Variants in NRXN3 observed in about 807,000 individuals in gnomAD.
NRXN3 encodes the protein neurexin III.
NRXN3 carries 32 observed loss-of-function variants against 137.6 expected under a neutral mutation model. That is an observed-to-expected ratio of 0.23 (90% CI 0.18 to 0.31). The LOEUF is 0.31. Among genes scored for constraint, NRXN3 ranks in the 10% least tolerant of loss-of-function variants. NRXN3 has a pLI of 1.00. For missense variants in NRXN3, 1,574 were observed against 2,062.5 expected (o/e 0.76, Z 4.59); for synonymous variants, 798 against 784.5 (o/e 1.02, Z -0.29).
intron 15 of NRXN3, among the ~76,000 whole-genome samples, chr14:79,286,438 A>G (rs900574073): frequency 1.6e-4 from 24 of 151,578 alleles, no homozygotes; most frequent in Admixed American, 1.6e-3. Flanking sequence ...TTTCTCTTCA[A>G]TTTTATTTTT....
chr14:79,474,918 A>T (rs553322509), intron 16 of NRXN3, among the ~76,000 whole-genome samples: 1 of 152,196 alleles, frequency 6.6e-6, no homozygotes, highest in Non-Finnish European at 1.5e-5. Context: ...CCACCAATAG[A>T]AGTAGTAGCA....
At chr14:79,619,839 T>C (rs1485137500) in intron 16 of NRXN3, among the ~76,000 whole-genome samples, 1 of 152,268 alleles carries the variant, frequency 6.6e-6, no homozygotes, top group East Asian at 1.9e-4. Context: ...TAAATGTCTT[T>C]ATAAAGTTTC....
At chr14:79,193,235 A>T (rs2064660090) in intron 15 of NRXN3, among the ~76,000 whole-genome samples, 1 of 152,216 alleles carries the variant, frequency 6.6e-6, no homozygotes, top group Non-Finnish European at 1.5e-5. Flanking sequence ...TGTTTAAAGG[A>T]ATATAAATTA....
At chr14:78,804,555 T>A (rs1226426536) in intron 9 of NRXN3, among the ~76,000 whole-genome samples, 1 of 152,232 alleles carries the variant, frequency 6.6e-6, no homozygotes, top group African/African-American at 2.4e-5. Flanking sequence ...TCTCTTCTTC[T>A]TATATAATAC....
At chr14:78,277,853 A>G (rs949090183) in intron 2 of NRXN3, among the ~76,000 whole-genome samples, 1 of 152,232 alleles carries the variant, frequency 6.6e-6, no homozygotes, top group Non-Finnish European at 1.5e-5. Flanking sequence ...CATTGGCTTA[A>G]TTCAAATGTC....
intron 5 of NRXN3, among the ~76,000 whole-genome samples, chr14:78,647,588 G>C (rs2097699796): frequency 6.6e-6 from 1 of 152,160 alleles, no homozygotes; most frequent in Non-Finnish European, 1.5e-5. Context: ...TTCTAGACAG[G>C]GATACAGAGG....
At chr14:79,698,252 AT>A (rs1463569687) in intron 19 of NRXN3, among the ~76,000 whole-genome samples, 1 of 152,056 alleles carries the variant, frequency 6.6e-6, no homozygotes, top group East Asian at 1.9e-4. Context: ...ACCTTTTCAA[AT>A]AACAGAAAGG....
chr14:79,569,643 G>C (rs1011630345), intron 16 of NRXN3, among the ~76,000 whole-genome samples: 1 of 150,210 alleles, frequency 6.7e-6, no homozygotes, highest in East Asian at 2.0e-4. Context: ...GAGAGAGAGA[G>C]AGAGAGACAG....
chr14:78,554,622 G>C (rs778463122), intron 4 of NRXN3, among the ~76,000 whole-genome samples: 1 of 152,168 alleles, frequency 6.6e-6, no homozygotes, highest in Non-Finnish European at 1.5e-5. Flanking sequence ...CTTCTGCATA[G>C]AGACCTTCTG....
chr14:79,483,313 A>G, intron 16 of NRXN3, among the ~76,000 whole-genome samples: 1 of 152,214 alleles, frequency 6.6e-6, no homozygotes, highest in East Asian at 1.9e-4. Flanking sequence ...AAAAAGAATA[A>G]AAAACACCAC....
intron 4 of NRXN3, among the ~76,000 whole-genome samples, chr14:78,572,136 G>T (rs760893276): frequency 6.6e-6 from 1 of 152,098 alleles, no homozygotes; most frequent in African/African-American, 2.4e-5. Context: ...GAACAGAGTT[G>T]GGGTAAAAAA....
intron 1 of NRXN3, among the ~76,000 whole-genome samples, chr14:78,207,471 A>G (rs2062319465): frequency 6.6e-6 from 1 of 152,138 alleles, no homozygotes; most frequent in Admixed American, 6.5e-5. Context: ...CTCTCCACCC[A>G]CAGGCACATC....
chr14:78,456,799 CTCTTTCTTTCTTTCTTTCTTTCTTTCTT>C (rs374674586), intron 4 of NRXN3, among the ~76,000 whole-genome samples: 2 of 97,690 alleles, frequency 2.0e-5, no homozygotes, highest in African/African-American at 7.0e-5. Context: ...CTCTCTTTCT[CTCTTTCTTTCTTTCTTTCTTTCTTTCTT>C]TCTTTCTTTC....
At chr14:79,468,401 G>A (rs551816037) in intron 16 of NRXN3, among the ~76,000 whole-genome samples, 34 of 152,304 alleles carry the variant, frequency 2.2e-4, no homozygotes, top group African/African-American at 7.9e-4. Context: ...TCATTAGTTA[G>A]CAATGACAAG....
intron 15 of NRXN3, among the ~76,000 whole-genome samples, chr14:79,036,976 A>G (rs1165546054): frequency 6.6e-6 from 1 of 152,068 alleles, no homozygotes; most frequent in African/African-American, 2.4e-5. Context: ...CACTATTTCA[A>G]TTCCTTTTCC....
At chr14:79,630,720 A>T (rs1567717272) in intron 16 of NRXN3, among the ~76,000 whole-genome samples, 1 of 152,156 alleles carries the variant, frequency 6.6e-6, no homozygotes. Context: ...TCTAAACCCC[A>T]GGCCATTTTG....
At chr14:78,859,477 C>T (rs1437976033) in intron 10 of NRXN3, among the ~76,000 whole-genome samples, 2 of 152,132 alleles carry the variant, frequency 1.3e-5, no homozygotes, top group African/African-American at 4.8e-5. Flanking sequence ...CGCAGTTGAC[C>T]TGTATCTTCT....
At chr14:78,492,242 G>A (rs2095682519) in intron 4 of NRXN3, among the ~76,000 whole-genome samples, 1 of 152,012 alleles carries the variant, frequency 6.6e-6, no homozygotes, top group African/African-American at 2.4e-5. Flanking sequence ...GCTGTGCAGT[G>A]GTACATCTTA....
intron 15 of NRXN3, among the ~76,000 whole-genome samples, chr14:79,359,400 C>T (rs763505582): frequency 1.8e-4 from 27 of 151,934 alleles, no homozygotes; most frequent in Admixed American, 1.0e-3. Flanking sequence ...GTAGATGCAA[C>T]GCATTTTAGA....
Sources: gnomAD v4.1 joint callset for allele counts (sites outside exome capture counted in the v4.1 genomes callset) on GRCh38, gnomAD v4.1.1 for gene constraint, MANE v1.5 for transcripts, NCBI Gene and HGNC (gene_info 2026-07-23, HGNC 2026-07-21) for gene names.